The following DOCK8 variants were observed in gnomAD, a reference collection of about 807,000 sequenced individuals.
The protein encoded by DOCK8 is dedicator of cytokinesis 8.
In DOCK8, 141 loss-of-function variants were observed where a neutral mutation model predicts 245.6. The observed-to-expected ratio is 0.57, with a 90% CI of 0.50 to 0.66. The LOEUF is 0.66. DOCK8 is among the 30% of genes least tolerant of loss of function. The pLI is 0.00. For missense variants in DOCK8, 2,965 were observed against 2,603.4 expected, an observed-to-expected ratio of 1.14 and a Z score of -3.02; for synonymous variants, 1,168 against 970.2, an observed-to-expected ratio of 1.20 and a Z score of -3.79.
In DOCK8 at chr9:339,003, C is replaced by T. The variant is rs1475476428; in HGVS notation, c.1423-3C>T. ...ACATTAACTCTGACTTTTCTCTTGG[C>T]AGGAAGGAGATCGCCTTAGCGATGA... On this transcript the variant is annotated splice_polypyrimidine_tract_variant and splice_region_variant and intron_variant, in intron 12 of 47. Coordinates refer to ENST00000432829, the MANE Select transcript of DOCK8 (RefSeq NM_203447.4). The T allele has an allele frequency of 6.2e-7, 1 of 1,613,860 alleles. No individual in the cohort carries two copies. The highest frequency in any genetic ancestry group is 8.5e-7 in the Non-Finnish European group (1 of 1,179,804).
At chr9:423,274 T>C (rs541569507) in intron 33 of DOCK8, among the ~76,000 whole-genome samples, 1 of 152,334 alleles carries the variant, frequency 6.6e-6, no homozygotes, top group African/African-American at 2.4e-5. Flanking sequence ...CGTGTATTGC[T>C]ATATATGCAA....
chr9:452,415 C>T (rs985639931), intron 46 of DOCK8: 14 of 193,140 alleles, frequency 7.2e-5, no homozygotes, highest in Middle Eastern at 2.1e-3. Flanking sequence ...GCTAGCATCC[C>T]GTGTGCCTCA....
intron 6 of DOCK8, among the ~76,000 whole-genome samples, chr9:313,222 A>G (rs1352131106): frequency 2.6e-5 from 4 of 152,244 alleles, no homozygotes; most frequent in Admixed American, 6.5e-5. Context: ...TTGATGATCT[A>G]AAGGGCAATT....
Position 441,158 on chromosome 9 carries a change from C to T in DOCK8, c.5224-128C>T, listed in dbSNP as rs78512868. 4.1e-3 allele frequency: 5,730 copies of T among 1,398,266 alleles called. 130 individuals are homozygous for T. The Admixed American group carries it at 0.046, about 11-fold the overall frequency. 86.6% of individuals were successfully genotyped at this position (1,398,266 alleles called of 1,614,324 possible). ...AAAGTGCTCAGATACCCCTTCTTGCCCTGTGAAATACTGTGATACAACAAT... is the reference window on the plus strand; with the variant it reads ...AAAGTGCTCAGATACCCCTTCTTGCTCTGTGAAATACTGTGATACAACAAT... On this transcript the variant is annotated intron_variant, in intron 40 of 47. Coordinates refer to ENST00000432829, the MANE Select transcript of DOCK8 (RefSeq NM_203447.4).
Position 233,216 on chromosome 9 carries a change from T to A in DOCK8, c.53+18187T>A, listed in dbSNP as rs1483628300. On this transcript the variant is annotated intron_variant, in intron 1 of 47. Transcript: ENST00000432829. ...ATGTAGTTGAGCGGTTTTGAGTGAG[T>A]TTCTTAATCCTGAGTTCTAGTTTGA... Among the ~76,000 whole-genome samples the A allele has an allele frequency of 5.3e-5, 8 of 152,084 alleles. No individual in the cohort carries two copies. In the South Asian group the frequency reaches 8.3e-4, roughly 16 times the overall value.
At position 274,528 on chromosome 9, in the gene DOCK8, C is replaced by T. The variant is rs139815933; in HGVS notation, c.156+2799C>T. Among the ~76,000 whole-genome samples the T allele has an allele frequency of 6.3e-3, 907 of 144,008 alleles. 8 individuals are homozygous for T. The highest frequency in any genetic ancestry group is 0.037 in the Middle Eastern group (9 of 244). 94.5% of individuals were successfully genotyped at this position (144,008 alleles called of 152,430 possible). A position where few individuals can be genotyped will look rare whatever the true frequency, so the allele number is the denominator to read the frequency against. ...TAGATGAATAGTCTGCTTAGGAAAT[C>T]CATCTCCATAATGTTTACCTGGTAT... On this transcript the variant is annotated intron_variant, in intron 2 of 47. Transcript: ENST00000432829.
rs756989483 is a variant in DOCK8 at position 396,767 on chromosome 9, C to T, written c.2971-18C>T. The T allele has an allele frequency of 3.7e-6, 6 of 1,614,120 alleles. No homozygotes were observed. The highest frequency in any genetic ancestry group is 5.1e-6 in the Non-Finnish European group (6 of 1,180,014). On this transcript the variant is annotated intron_variant, in intron 24 of 47. Coordinates refer to ENST00000432829, the MANE Select transcript of DOCK8 (RefSeq NM_203447.4). Reference sequence around the variant, plus strand: ...TCACCAATCTCCATGTTGACATTTCCTCCATCCCCCTCCGCAGGTGAAAAG... The same window carrying T: ...TCACCAATCTCCATGTTGACATTTCTTCCATCCCCCTCCGCAGGTGAAAAG...
chr9:222,332 A>G (rs1796529686), intron 1 of DOCK8, among the ~76,000 whole-genome samples: 1 of 152,142 alleles, frequency 6.6e-6, no homozygotes, highest in African/African-American at 2.4e-5. Context: ...AGTTTGATGG[A>G]GCAGTCTTAT....
Position 333,333 on chromosome 9 carries a change from G to C in DOCK8, c.1125+855G>C, listed in dbSNP as rs187370724. On this transcript the variant is annotated intron_variant, in intron 10 of 47. Transcript: ENST00000432829. The stretch of plus-strand genomic sequence containing the variant: ...AAACATGGCCTTGGCCGGGCGTGGT[G>C]GCTCACACCTGTAATCCCAGCACTT... Among the ~76,000 whole-genome samples the C allele has an allele frequency of 3.9e-5, 6 of 152,356 alleles. No homozygotes were observed. In the East Asian group the frequency reaches 1.2e-3, roughly 29 times the overall value.
intron 1 of DOCK8, among the ~76,000 whole-genome samples, chr9:226,157 A>G (rs2484968): frequency 0.44 from 66,305 of 152,050 alleles, 14,633 homozygotes; most frequent in East Asian, 0.59. Flanking sequence ...AGGCCTCACA[A>G]TCATGGCAGA....
intron 14 of DOCK8, among the ~76,000 whole-genome samples, chr9:343,570 C>T (rs2051717005): frequency 6.6e-6 from 1 of 152,022 alleles, no homozygotes; most frequent in Admixed American, 6.6e-5. Context: ...TTCTTCTTTA[C>T]AGTATTCAGG....
chr9:388,769 C>T (rs771249965), intron 23 of DOCK8, among the ~76,000 whole-genome samples: 6 of 149,294 alleles, frequency 4.0e-5, no homozygotes, highest in South Asian at 4.3e-4. Context: ...TGACCAGGCT[C>T]GTCTCAAACT....
intron 20 of DOCK8, among the ~76,000 whole-genome samples, chr9:377,424 A>G (rs1021799901): frequency 6.6e-6 from 1 of 152,190 alleles, no homozygotes; most frequent in Admixed American, 6.5e-5. Flanking sequence ...GGTTCTTAAT[A>G]TTATAGCTTT....
rs138810908 is a variant in DOCK8 at position 404,995 on chromosome 9, G to C, written c.3312G>C (p.Glu1104Asp). 1,438 of 1,613,968 alleles carry C rather than the reference G, an allele frequency of 8.9e-4. 2 individuals carry two copies. Among genetic ancestry groups the C allele is most frequent in the Non-Finnish European group, 1.1e-3 (1,290 of 1,179,962 alleles). The change falls in exon 27 of 48, where the codon GAG becomes GAC. Residue 1104 changes from glutamate to aspartate, a missense_variant. Glu to Asp is a conservative substitution (Grantham distance 45, BLOSUM62 2). Coordinates refer to ENST00000432829, the MANE Select transcript of DOCK8 (RefSeq NM_203447.4). ...LEFLRILCSH[E>D]HYLNLNLFFM... ...TCCTGAGAATCCTCTGTAGCCATGA[G>C]CATTACCTCAATCTGAACCTTTTTT...
At chr9:211,823 G>C (rs778225847), upstream of DOCK8, among the ~76,000 whole-genome samples, 5 of 152,164 alleles carry the variant, frequency 3.3e-5, no homozygotes, top group Non-Finnish European at 5.9e-5. Flanking sequence ...CAGATTTCCT[G>C]CTTTTCCCTC....
At chr9:271,605 G>T in intron 1 of DOCK8, 22 bp from the exon 2 acceptor site, 3 of 1,467,582 alleles carry the variant, frequency 2.0e-6, no homozygotes, top group Non-Finnish European at 2.8e-6. Flanking sequence ...ATTTCATTTA[G>T]ATTTTTCTAT....
intron 33 of DOCK8, among the ~76,000 whole-genome samples, chr9:426,408 T>C (rs1417928177): frequency 6.6e-6 from 1 of 152,236 alleles, no homozygotes; most frequent in East Asian, 1.9e-4. Context: ...GACTTGGCTC[T>C]GAAGCTCCAC....
chr9:377,381 G>C (rs1291984429), intron 20 of DOCK8, among the ~76,000 whole-genome samples, 170 bp downstream of exon 20: 1 of 151,968 alleles, frequency 6.6e-6, no homozygotes, highest in Admixed American at 6.5e-5. Context: ...GAGACTCTCT[G>C]CATGTTGGAA....
intron 46 of DOCK8, chr9:460,309 A>G (rs553660312): frequency 6.6e-6 from 1 of 152,318 alleles, no homozygotes; most frequent in South Asian, 2.1e-4. Flanking sequence ...GCAAACAAAG[A>G]CTAAGGAGAG....
Sources: allele counts gnomAD v4.1 joint callset (sites outside exome capture counted in the v4.1 genomes callset), GRCh38; gene constraint gnomAD v4.1.1; transcripts MANE v1.5; gene names NCBI Gene and HGNC (gene_info 2026-07-23, HGNC 2026-07-21).